Variants in WDR25 observed in about 807,000 individuals in gnomAD.
WDR25 encodes WD repeat-containing protein 25.
A neutral mutation model predicts 47.7 loss-of-function variants in WDR25; 35 were observed. That is an observed-to-expected ratio of 0.73 (90% CI 0.56 to 0.97). The LOEUF is 0.97. Ranked by LOEUF, WDR25 falls within the 50% of genes least tolerant of loss-of-function variation. The pLI is 0.00. For synonymous variants in WDR25, 248 were observed against 278.9 expected, an observed-to-expected ratio of 0.89 and a Z score of 1.10; for missense variants, 634 against 704.7, an observed-to-expected ratio of 0.90 and a Z score of 1.14.
intron 1 of WDR25, chr14:100,376,846 C>T: frequency 1.1e-6 from 1 of 948,456 alleles, no homozygotes; most frequent in Non-Finnish European, 1.4e-6. Flanking sequence ...ATGGGAATAT[C>T]CTATTTCTTT....
chr14:100,382,928 C>T (rs1896938877), intron 2 of WDR25, among the ~76,000 whole-genome samples: 1 of 152,220 alleles, frequency 6.6e-6, no homozygotes, highest in Non-Finnish European at 1.5e-5. Flanking sequence ...TGCACAGAGC[C>T]AGGTACCTCA....
chr14:100,514,236 C>CT (rs1901417994), intron 4 of WDR25, among the ~76,000 whole-genome samples: 1 of 152,074 alleles, frequency 6.6e-6, no homozygotes, highest in Non-Finnish European at 1.5e-5. Flanking sequence ...GCGCCCGGCC[C>CT]TTTTTTACTT....
At chr14:100,481,508 T>G (rs943001439) in intron 3 of WDR25, among the ~76,000 whole-genome samples, 11 of 150,976 alleles carry the variant, frequency 7.3e-5, no homozygotes, top group Non-Finnish European at 1.6e-4. Flanking sequence ...CAGAAAATAG[T>G]GTGGGATATT....
chr14:100,386,720 C>T (rs1431045272), intron 2 of WDR25, among the ~76,000 whole-genome samples: 3 of 151,964 alleles, frequency 2.0e-5, no homozygotes, highest in South Asian at 2.1e-4. Flanking sequence ...GGTGAAACCC[C>T]GTCTCTACTA....
intron 2 of WDR25, among the ~76,000 whole-genome samples, chr14:100,459,361 T>A (rs1899301529): frequency 1.3e-5 from 2 of 152,142 alleles, no homozygotes; most frequent in Non-Finnish European, 2.9e-5. Context: ...CATGTTTATT[T>A]AAAAAATTGA....
intron 2 of WDR25, among the ~76,000 whole-genome samples, chr14:100,456,262 T>C (rs1899201060): frequency 1.3e-5 from 2 of 152,152 alleles, no homozygotes; most frequent in South Asian, 4.1e-4. Context: ...GAGGATTGCT[T>C]GAGCCCAGGA....
intron 4 of WDR25, among the ~76,000 whole-genome samples, chr14:100,504,083 T>A (rs1207567101): frequency 4.6e-5 from 7 of 152,250 alleles, no homozygotes; most frequent in Non-Finnish European, 8.8e-5. Context: ...GTCTCCACCC[T>A]CCTCACCCTC....
At chr14:100,495,224 G>C (rs920333382) in intron 4 of WDR25, among the ~76,000 whole-genome samples, 3 of 152,036 alleles carry the variant, frequency 2.0e-5, no homozygotes, top group Non-Finnish European at 2.9e-5. Flanking sequence ...GGGAGTGGTG[G>C]CAGGCACCTA....
At chr14:100,451,081 G>A (rs1278291103) in intron 2 of WDR25, among the ~76,000 whole-genome samples, 1 of 152,178 alleles carries the variant, frequency 6.6e-6, no homozygotes, top group Non-Finnish European at 1.5e-5. Context: ...GTGAAAAAAG[G>A]TAGTTTTGGA....
chr14:100,427,812 C>T (rs1206185395), intron 2 of WDR25, among the ~76,000 whole-genome samples: 2 of 152,220 alleles, frequency 1.3e-5, no homozygotes, highest in African/African-American at 4.8e-5. Flanking sequence ...CAGGCAGGGA[C>T]AGGAGGCCAG....
intron 4 of WDR25, among the ~76,000 whole-genome samples, chr14:100,507,482 A>C (rs1012507612): frequency 6.6e-6 from 1 of 152,128 alleles, no homozygotes; most frequent in African/African-American, 2.4e-5. Flanking sequence ...GGATCTATAG[A>C]GTGCTTTGGG....
intron 3 of WDR25, among the ~76,000 whole-genome samples, chr14:100,478,500 A>ATTCT (rs1398457107): frequency 5.3e-5 from 8 of 152,244 alleles, no homozygotes; most frequent in African/African-American, 1.9e-4. Flanking sequence ...TTAGTTAGCG[A>ATTCT]GATTTCTACC....
At chr14:100,418,138 C>T (rs1172054187) in intron 2 of WDR25, among the ~76,000 whole-genome samples, 1 of 151,368 alleles carries the variant, frequency 6.6e-6, no homozygotes, top group Non-Finnish European at 1.5e-5. Context: ...GATGTGGTTT[C>T]ACCATGTTGA....
At chr14:100,524,431 G>C (rs888705927) in intron 4 of WDR25, among the ~76,000 whole-genome samples, 10 of 152,192 alleles carry the variant, frequency 6.6e-5, no homozygotes, top group African/African-American at 2.2e-4. Context: ...TGATATCAAG[G>C]CCATGTGGGA....
At chr14:100,515,802 T>A (rs1416505281) in intron 4 of WDR25, among the ~76,000 whole-genome samples, 16 of 149,948 alleles carry the variant, frequency 1.1e-4, no homozygotes, top group African/African-American at 3.2e-4. Context: ...TTTTTTTTTT[T>A]TTTTTTTGTA....
rs771570389 is a variant in WDR25, at chr14:100,529,092, G to A, written c.1297G>A (p.Ala433Thr). Residue 433 changes from alanine to threonine, a missense_variant, in exon 6 of 7, where the codon GCC becomes ACC. Physicochemically the swap from Ala to Thr is moderately conservative, Grantham distance 58. Coordinates refer to ENST00000402312, the MANE Select transcript of WDR25 (RefSeq NM_001161476.3). The surrounding 1 kb of genome is among the most constrained non-coding windows in gnomAD (Gnocchi z 5.1). ...FHERFTCPSL[A>T]LHPREPVFLA... ...GGAGAGGTTCACCTGCCCCAGCCTCGCCTTGCACCCGAGAGAGCCCGTGTT... is the reference window on the plus strand; with the variant it reads ...GGAGAGGTTCACCTGCCCCAGCCTCACCTTGCACCCGAGAGAGCCCGTGTT... 4 of 1,564,154 alleles carry A rather than the reference G, an allele frequency of 2.6e-6. No individual in the cohort carries two copies. The highest frequency in any genetic ancestry group is 1.2e-5 in the South Asian group (1 of 85,676).
rs144201866 is a variant in WDR25 at position 100,405,257 on chromosome 14, G to T, written c.822+23511G>T. Among the ~76,000 whole-genome samples, 226 of 151,696 alleles carry T rather than the reference G, an allele frequency of 1.5e-3. 2 individuals are homozygous for T. The highest frequency in any genetic ancestry group is 5.4e-3 in the African/African-American group (222 of 41,090). On this transcript the variant is annotated intron_variant, in intron 2 of 6. Coordinates refer to ENST00000402312, the MANE Select transcript of WDR25 (RefSeq NM_001161476.3). ...GCTCACCGCAGCCTCTGCCTCCCGG[G>T]TTCAAAGGATTCTCCTGCCTCAGCC...
intron 3 of WDR25, 105 bp from the exon 4 acceptor site, chr14:100,483,889 A>G: frequency 7.3e-7 from 1 of 1,367,280 alleles, no homozygotes; most frequent in Non-Finnish European, 9.8e-7. Context: ...GGCCCAGGGG[A>G]GCTGTGTTTG....
chr14:100,434,233 CAGG>C (rs1461230941), intron 2 of WDR25, among the ~76,000 whole-genome samples: 2 of 152,072 alleles, frequency 1.3e-5, no homozygotes, highest in East Asian at 3.9e-4. Flanking sequence ...CAGTTATTTC[CAGG>C]AGAACCTGTG....
Sources: gnomAD v4.1 joint callset for allele counts (sites outside exome capture counted in the v4.1 genomes callset) on GRCh38, gnomAD v4.1.1 for gene constraint, Gnocchi (gnomAD v3.1) non-coding constraint, MANE v1.5 for transcripts, NCBI Gene and HGNC (gene_info 2026-07-23, HGNC 2026-07-21) for gene names.